LPP: variants seen among roughly 807,000 people sequenced by gnomAD.
LPP encodes lipoma-preferred partner.
In LPP, 38 loss-of-function variants were observed where a neutral mutation model predicts 60.4. The observed-to-expected ratio is 0.63, with a 90% confidence interval of 0.49 to 0.83. LPP has a LOEUF of 0.83. Ranked by LOEUF, LPP falls within the 40% of genes least tolerant of loss-of-function variation. The pLI is 0.00. For synonymous variants in LPP, 328 were observed against 290.8 expected (o/e 1.13, Z -1.30); for missense variants, 902 against 783.6 (o/e 1.15, Z -1.80).
At chr3:188,156,239 G>A (rs983312399) in intron 1 of LPP, among the ~76,000 whole-genome samples, 2 of 152,114 alleles carry the variant, frequency 1.3e-5, no homozygotes, top group Non-Finnish European at 2.9e-5. Flanking sequence ...TCTAGAGTTG[G>A]TTTTGAGTGT....
At chr3:188,437,482 C>A (rs1041565652) in intron 4 of LPP, among the ~76,000 whole-genome samples, 27 of 152,132 alleles carry the variant, frequency 1.8e-4, no homozygotes, top group African/African-American at 6.5e-4. Flanking sequence ...GACTTTATAA[C>A]AAGAAAGCAA....
At chr3:188,407,079 TAA>T (rs5855193) in intron 4 of LPP, among the ~76,000 whole-genome samples, 161 of 143,580 alleles carry the variant, frequency 1.1e-3, no homozygotes, top group Middle Eastern at 7.4e-3. Flanking sequence ...TAACTTAAAA[TAA>T]AAAAAAAAAA....
At chr3:188,381,187 A>G (rs1704360040) in intron 3 of LPP, among the ~76,000 whole-genome samples, 1 of 112,532 alleles carries the variant, frequency 8.9e-6, no homozygotes, top group Non-Finnish European at 2.0e-5. Context: ...TGTGACACGA[A>G]TGCAAACACC....
chr3:188,206,953 G>T (rs370970470), intron 1 of LPP, among the ~76,000 whole-genome samples: 22 of 152,090 alleles, frequency 1.4e-4, no homozygotes, highest in African/African-American at 4.1e-4. Context: ...AATTTTCATT[G>T]TTATCGTTGT....
intron 9 of LPP, among the ~76,000 whole-genome samples, chr3:188,837,382 CATAATA>C (rs57174980): frequency 0.23 from 32,207 of 140,192 alleles, 4,777 homozygotes; most frequent in East Asian, 0.71. Context: ...CCATCTCAAA[CATAATA>C]ATAATAATAA....
chr3:188,753,768 AGTGTGG>A, intron 8 of LPP, among the ~76,000 whole-genome samples: 1 of 151,292 alleles, frequency 6.6e-6, no homozygotes, highest in South Asian at 2.1e-4. Context: ...CGAGTGTTTG[AGTGTGG>A]GTGTGTGTGA....
intron 7 of LPP, among the ~76,000 whole-genome samples, chr3:188,647,235 C>G (rs535886637): frequency 6.6e-6 from 1 of 152,354 alleles, no homozygotes; most frequent in Admixed American, 6.5e-5. Flanking sequence ...CAGGACTCTG[C>G]TGACTTTGGG....
chr3:188,862,103 G>A (rs191414524), intron 9 of LPP, among the ~76,000 whole-genome samples: 1 of 152,284 alleles, frequency 6.6e-6, no homozygotes, highest in East Asian at 1.9e-4. Context: ...TGTGGATACC[G>A]TAGATAGAGT....
chr3:188,259,201 T>C (rs535122664), intron 2 of LPP, among the ~76,000 whole-genome samples: 1 of 152,340 alleles, frequency 6.6e-6, no homozygotes, highest in East Asian at 1.9e-4. Flanking sequence ...TACTATTGCA[T>C]ATAAAAGAAT....
At chr3:188,177,172 G>T (rs1723280255) in intron 1 of LPP, among the ~76,000 whole-genome samples, 1 of 152,190 alleles carries the variant, frequency 6.6e-6, no homozygotes, top group Non-Finnish European at 1.5e-5. Flanking sequence ...CCTGGGGGTG[G>T]TCCAGTGATG....
intron 5 of LPP, among the ~76,000 whole-genome samples, chr3:188,504,314 T>G (rs1812824837): frequency 6.6e-6 from 1 of 152,152 alleles, no homozygotes. Context: ...TATTCCCATT[T>G]TATTCATGCA....
At chr3:188,382,731 T>G (rs918746468) in intron 3 of LPP, among the ~76,000 whole-genome samples, 8 of 152,236 alleles carry the variant, frequency 5.3e-5, no homozygotes, top group African/African-American at 1.4e-4. Context: ...TCTTCACTTT[T>G]TTGTTGTTGT....
At position 188,753,775 on chromosome 3, in the gene LPP, G is replaced by A. The variant is rs572375947; in HGVS notation, c.1241-6338G>A. On this transcript the variant is annotated intron_variant, in intron 8 of 11. Transcript: ENST00000617246. ...TCTTGTTGCGAGTGTTTGAGTGTGG[G>A]TGTGTGTGAGTGTGTATATGTATTT... Among the ~76,000 whole-genome samples the A allele has an allele frequency of 2.0e-5, 3 of 152,148 alleles. No individual in the cohort carries two copies. In the South Asian group the frequency reaches 6.2e-4, roughly 32 times the overall value.
At chr3:188,202,471 G>A (rs1424860677) in intron 1 of LPP, among the ~76,000 whole-genome samples, 1 of 152,224 alleles carries the variant, frequency 6.6e-6, no homozygotes, top group Non-Finnish European at 1.5e-5. Context: ...AGGCCCATAA[G>A]CCATGAGGCA....
At chr3:188,361,221 A>G (rs1290725573) in intron 3 of LPP, among the ~76,000 whole-genome samples, 1 of 152,196 alleles carries the variant, frequency 6.6e-6, no homozygotes, top group African/African-American at 2.4e-5. Context: ...ATAAACTGTG[A>G]TAAAGATTTT....
intron 6 of LPP, among the ~76,000 whole-genome samples, chr3:188,554,430 A>G (rs182797226): frequency 6.6e-6 from 1 of 152,220 alleles, no homozygotes; most frequent in African/African-American, 2.4e-5. Flanking sequence ...AGTTCAATTT[A>G]TACCAGATTA....
intron 4 of LPP, among the ~76,000 whole-genome samples, chr3:188,458,591 G>A (rs2149409409): frequency 6.6e-6 from 1 of 152,338 alleles, no homozygotes. Context: ...CTGATGGCCA[G>A]TCTTGCTTCA....
intron 9 of LPP, among the ~76,000 whole-genome samples, chr3:188,863,169 T>C (rs943710780): frequency 2.0e-5 from 3 of 152,226 alleles, no homozygotes; most frequent in East Asian, 1.9e-4. Context: ...TATCTTTTTC[T>C]ATTGTTGTTA....
chr3:188,748,863 C>T (rs1403297298), intron 8 of LPP, among the ~76,000 whole-genome samples: 3 of 152,142 alleles, frequency 2.0e-5, no homozygotes, highest in Non-Finnish European at 4.4e-5. Flanking sequence ...CTAGATAATA[C>T]CAACGTATAA....
Sources: gnomAD v4.1 joint callset for allele counts (sites outside exome capture counted in the v4.1 genomes callset) on GRCh38, gnomAD v4.1.1 for gene constraint, MANE v1.5 for transcripts, NCBI Gene and HGNC (gene_info 2026-07-23, HGNC 2026-07-21) for gene names.